The following ANKIB1 variants were observed in gnomAD, a reference collection of about 807,000 sequenced individuals.
ANKIB1 encodes the protein ankyrin repeat and IBR domain containing 1, also known as ankyrin repeat and IBR domain-containing protein 1.
A neutral mutation model predicts 122.1 loss-of-function variants in ANKIB1; 43 were observed. The ratio of observed to expected loss-of-function variants is 0.35; its 90% CI spans 0.28 to 0.45. ANKIB1 has a LOEUF of 0.45. ANKIB1 is among the 20% of genes least tolerant of loss of function. ANKIB1 has a pLI of 1.00. For missense variants in ANKIB1, 992 were observed against 1,329.5 expected, an observed-to-expected ratio of 0.75 and a Z score of 3.95; for synonymous variants, 390 against 442.0, an observed-to-expected ratio of 0.88 and a Z score of 1.48.
At chr7:92,345,501 A>C (rs897001497) in intron 7 of ANKIB1, among the ~76,000 whole-genome samples, 1 of 152,236 alleles carries the variant, frequency 6.6e-6, no homozygotes, top group African/African-American at 2.4e-5. Flanking sequence ...GTGAATGCAG[A>C]GTTAAATGTT....
At chr7:92,262,742 ACTAT>A (rs1304086637) in intron 1 of ANKIB1, among the ~76,000 whole-genome samples, 1 of 152,134 alleles carries the variant, frequency 6.6e-6, no homozygotes, top group Non-Finnish European at 1.5e-5. Flanking sequence ...AGTTTAGATA[ACTAT>A]CTATAATTTT....
At chr7:92,251,693 T>C (rs1363183514) in intron 1 of ANKIB1, among the ~76,000 whole-genome samples, 2 of 152,162 alleles carry the variant, frequency 1.3e-5, no homozygotes, top group African/African-American at 4.8e-5. Flanking sequence ...TGGAGCAAAC[T>C]GCCAACATGG....
intron 2 of ANKIB1, among the ~76,000 whole-genome samples, chr7:92,306,723 T>C (rs1802569975): frequency 6.6e-6 from 1 of 152,192 alleles, no homozygotes; most frequent in Non-Finnish European, 1.5e-5. Context: ...TTCTTGTTTA[T>C]AAACCATTCA....
chr7:92,398,352 T>C lies in ANKIB1; in HGVS notation c.2673T>C (p.Ser891=), dbSNP rs756115436. The C allele has an allele frequency of 6.2e-7, 1 of 1,613,466 alleles. No individual in the cohort carries two copies. Among genetic ancestry groups the C allele is most frequent in the South Asian group, 1.1e-5 (1 of 90,984 alleles). The part of the protein sequence containing the change: ...NEASLGAIGT[S]LPSRLDSVPR... ...CATCCTTAGGTGCGATAGGCACTTC[T>C]TTACCTTCCAGGCTGGACTCTGTCC... Residue 891 remains serine, a synonymous_variant, in exon 20 of 20, where the codon TCT becomes TCC. Coordinates refer to ENST00000265742, the MANE Select transcript of ANKIB1 (RefSeq NM_019004.2).
chr7:92,263,850 C>A (rs1018729040), intron 1 of ANKIB1, among the ~76,000 whole-genome samples: 15 of 152,094 alleles, frequency 9.9e-5, no homozygotes, highest in Admixed American at 3.9e-4. Flanking sequence ...AGTATGATTT[C>A]AAGTATTACT....
intron 2 of ANKIB1, among the ~76,000 whole-genome samples, chr7:92,298,046 A>G (rs1031634407): frequency 6.6e-5 from 10 of 151,964 alleles, no homozygotes; most frequent in African/African-American, 2.4e-4. Flanking sequence ...ATCCCCAACT[A>G]CTCTGACCTC....
chr7:92,388,321 A>G (rs1236997499), intron 14 of ANKIB1, among the ~76,000 whole-genome samples: 1 of 152,214 alleles, frequency 6.6e-6, no homozygotes, highest in African/African-American at 2.4e-5. Flanking sequence ...CTGATGCTCT[A>G]CAATGTTGGG....
At chr7:92,385,348 A>C (rs1395301408) in intron 11 of ANKIB1, among the ~76,000 whole-genome samples, 1 of 152,234 alleles carries the variant, frequency 6.6e-6, no homozygotes, top group Non-Finnish European at 1.5e-5. Flanking sequence ...CTAGAACTAG[A>C]AATACCATTT....
chr7:92,385,543 A>G (rs1052796690), intron 11 of ANKIB1, among the ~76,000 whole-genome samples: 1 of 152,238 alleles, frequency 6.6e-6, no homozygotes, highest in African/African-American at 2.4e-5. Context: ...ATGGAATACT[A>G]TGTAGCCATA....
chr7:92,392,578 TAGAG>T (rs1486849950), intron 17 of ANKIB1, among the ~76,000 whole-genome samples: 8 of 152,112 alleles, frequency 5.3e-5, no homozygotes, highest in African/African-American at 9.6e-5. Context: ...AATTTGTTAA[TAGAG>T]AGAATTTATT....
intron 1 of ANKIB1, among the ~76,000 whole-genome samples, chr7:92,289,608 T>G (rs761391254): frequency 9.2e-5 from 14 of 152,174 alleles, no homozygotes; most frequent in Non-Finnish European, 2.1e-4. Flanking sequence ...AGCTTTTAAA[T>G]TTCCCACTCT....
chr7:92,246,924 G>C (rs1801096847), intron 1 of ANKIB1, among the ~76,000 whole-genome samples: 1 of 152,200 alleles, frequency 6.6e-6, no homozygotes, highest in African/African-American at 2.4e-5. Context: ...GTGCTCTGCA[G>C]GGCTGTGATG....
At chr7:92,316,448 G>T (rs1339569318) in intron 3 of ANKIB1, among the ~76,000 whole-genome samples, 5 of 152,196 alleles carry the variant, frequency 3.3e-5, no homozygotes, top group African/African-American at 1.2e-4. Flanking sequence ...CATTATTGCT[G>T]TCAGCTGTCT....
intron 1 of ANKIB1, among the ~76,000 whole-genome samples, chr7:92,274,883 C>T (rs1801869578): frequency 6.6e-6 from 1 of 152,160 alleles, no homozygotes; most frequent in Non-Finnish European, 1.5e-5. Flanking sequence ...GCTGTGATAG[C>T]ACCACTGCAC....
intron 4 of ANKIB1, among the ~76,000 whole-genome samples, chr7:92,320,302 G>A (rs532813329): frequency 6.6e-6 from 1 of 152,262 alleles, no homozygotes; most frequent in South Asian, 2.1e-4. Flanking sequence ...GCCCACTGCA[G>A]TATGACTTTC....
At chr7:92,286,529 G>T (rs1468397944) in intron 1 of ANKIB1, among the ~76,000 whole-genome samples, 1 of 150,806 alleles carries the variant, frequency 6.6e-6, no homozygotes, top group Non-Finnish European at 1.5e-5. Context: ...GCCCAGGCTG[G>T]AGTGCAGTGG....
At chr7:92,325,756 A>T (rs180775478) in intron 4 of ANKIB1, among the ~76,000 whole-genome samples, 11 of 152,296 alleles carry the variant, frequency 7.2e-5, no homozygotes, top group Admixed American at 7.2e-4. Context: ...TTCTGAAATA[A>T]TTTTTGAAGA....
chr7:92,376,144 C>T (rs186967201), intron 11 of ANKIB1, among the ~76,000 whole-genome samples: 1 of 152,170 alleles, frequency 6.6e-6, no homozygotes, highest in African/African-American at 2.4e-5. Flanking sequence ...TAGCATAGTT[C>T]TTAAACACCC....
At chr7:92,343,365 C>T (rs953050584) in intron 6 of ANKIB1, 133 bp downstream of exon 6, 15 of 724,678 alleles carry the variant, frequency 2.1e-5, no homozygotes, top group East Asian at 2.7e-5. Context: ...TTGAAAGGTT[C>T]GGTTATTTCC....
Sources: gnomAD v4.1 joint callset for allele counts (sites outside exome capture counted in the v4.1 genomes callset) on GRCh38, gnomAD v4.1.1 for gene constraint, MANE v1.5 for transcripts, NCBI Gene and HGNC (gene_info 2026-07-23, HGNC 2026-07-21) for gene names.